FBXL17: variants seen among roughly 807,000 people sequenced by gnomAD.
FBXL17 encodes F-box and leucine rich repeat protein 17.
A neutral mutation model predicts 66.2 loss-of-function variants in FBXL17; 22 were observed. The observed-to-expected ratio is 0.33, with a 90% confidence interval of 0.24 to 0.47. The LOEUF (loss-of-function observed/expected upper bound fraction) is 0.47, where lower values mean the gene tolerates loss of function less well. Ranked by LOEUF, FBXL17 falls within the 20% of genes least tolerant of loss-of-function variation. FBXL17 has a pLI of 1.00. For synonymous variants in FBXL17, 474 were observed against 400.5 expected, an observed-to-expected ratio of 1.18 and a Z score of -2.19; for missense variants, 878 against 948.2, an observed-to-expected ratio of 0.93 and a Z score of 0.97.
At chr5:108,108,924 C>T (rs867630406) in intron 6 of FBXL17, among the ~76,000 whole-genome samples, 2 of 151,892 alleles carry the variant, frequency 1.3e-5, no homozygotes, top group Non-Finnish European at 2.9e-5. Context: ...GCTGGGATTA[C>T]AGGCATGCAC....
intron 8 of FBXL17, among the ~76,000 whole-genome samples, chr5:107,877,095 TA>T (rs1748637678): frequency 6.6e-6 from 1 of 152,194 alleles, no homozygotes; most frequent in South Asian, 2.1e-4. Context: ...TACAATGCAC[TA>T]AAGTTTAGGA....
At chr5:107,945,553 C>T (rs1026678507) in intron 7 of FBXL17, among the ~76,000 whole-genome samples, 1 of 152,030 alleles carries the variant, frequency 6.6e-6, no homozygotes, top group Admixed American at 6.6e-5. Flanking sequence ...ATTAGGACCA[C>T]ATATAACAAT....
intron 7 of FBXL17, among the ~76,000 whole-genome samples, chr5:108,005,708 T>C (rs1396371367): frequency 2.0e-5 from 3 of 152,226 alleles, no homozygotes; most frequent in Non-Finnish European, 2.9e-5. Context: ...TTGAGAGAAC[T>C]ATAAATACCT....
At chr5:108,050,606 G>A (rs1053460342) in intron 6 of FBXL17, among the ~76,000 whole-genome samples, 4 of 152,118 alleles carry the variant, frequency 2.6e-5, no homozygotes, top group Admixed American at 1.3e-4. Context: ...AAGCTAGAAA[G>A]ATCTCAAATA....
At position 108,223,250 on chromosome 5, in the gene FBXL17, C is replaced by T. The variant is rs1238175794; in HGVS notation, c.1614+871G>A. Among the ~76,000 whole-genome samples the T allele has an allele frequency of 2.6e-5, 4 of 152,056 alleles. No homozygotes were observed. In the East Asian group the frequency reaches 7.7e-4, roughly 29 times the overall value. On this transcript the variant is annotated intron_variant, in intron 5 of 8. Coordinates refer to ENST00000542267, the MANE Select transcript of FBXL17 (RefSeq NM_001163315.3). ...ATTATTTCCCATTAAACTGTAAGCT[C>T]AAAGAGATCTGAAGACATCAAACTG...
chr5:108,259,511 C>T (rs1403583321), intron 4 of FBXL17, among the ~76,000 whole-genome samples: 1 of 152,104 alleles, frequency 6.6e-6, no homozygotes, highest in African/African-American at 2.4e-5. Context: ...TCAGGTCTAA[C>T]ACACTTAACC....
At chr5:108,133,021 T>C (rs746887283) in intron 6 of FBXL17, among the ~76,000 whole-genome samples, 4 of 152,170 alleles carry the variant, frequency 2.6e-5, no homozygotes, top group Non-Finnish European at 5.9e-5. Flanking sequence ...TAAAGTGTGA[T>C]AAATACCCAC....
chr5:107,864,319 G>A (rs1030518767), intron 8 of FBXL17, among the ~76,000 whole-genome samples: 3 of 152,152 alleles, frequency 2.0e-5, no homozygotes, highest in Non-Finnish European at 4.4e-5. Flanking sequence ...AATAAACCTT[G>A]TTAACATTAG....
intron 5 of FBXL17, among the ~76,000 whole-genome samples, chr5:108,201,514 GT>G (rs566169241): frequency 1.3e-5 from 2 of 152,082 alleles, no homozygotes; most frequent in East Asian, 3.9e-4. Context: ...AACTATTAAT[GT>G]TTTTAATAAA....
At chr5:108,325,713 C>T (rs577808877) in intron 4 of FBXL17, among the ~76,000 whole-genome samples, 2 of 152,130 alleles carry the variant, frequency 1.3e-5, no homozygotes, top group East Asian at 1.9e-4. Context: ...ACCTAGAAGT[C>T]GTGGCATCTG....
intron 7 of FBXL17, among the ~76,000 whole-genome samples, chr5:107,973,063 G>A (rs1169415178): frequency 6.6e-6 from 1 of 152,122 alleles, no homozygotes; most frequent in Non-Finnish European, 1.5e-5. Context: ...AATGTTCAAA[G>A]GTGCCCTCAA....
intron 8 of FBXL17, among the ~76,000 whole-genome samples, chr5:107,871,638 G>A (rs957003640): frequency 2.6e-5 from 4 of 152,114 alleles, no homozygotes; most frequent in Non-Finnish European, 4.4e-5. Context: ...ATATGCACGT[G>A]TGGTGCAGAT....
intron 4 of FBXL17, among the ~76,000 whole-genome samples, chr5:108,279,561 A>G (rs1373005674): frequency 6.6e-6 from 1 of 152,120 alleles, no homozygotes; most frequent in Non-Finnish European, 1.5e-5. Flanking sequence ...AGGAAAAAAA[A>G]AAAAAGTAAT....
intron 4 of FBXL17, among the ~76,000 whole-genome samples, chr5:108,333,518 T>C (rs1760233234): frequency 6.6e-6 from 1 of 152,140 alleles, no homozygotes; most frequent in African/African-American, 2.4e-5. Flanking sequence ...TTTATGAACC[T>C]GAATAAAATG....
intron 7 of FBXL17, among the ~76,000 whole-genome samples, chr5:107,949,135 T>C (rs1751410931): frequency 6.8e-6 from 1 of 147,970 alleles, no homozygotes. Flanking sequence ...GAATGGCAAG[T>C]AGCTAAGAGC....
At chr5:108,101,269 C>T (rs1296978731) in intron 6 of FBXL17, among the ~76,000 whole-genome samples, 2 of 152,212 alleles carry the variant, frequency 1.3e-5, no homozygotes, top group Non-Finnish European at 2.9e-5. Flanking sequence ...AGACCTCTGT[C>T]CACAAGCCAA....
chr5:108,362,999 A>T (rs147538475), intron 3 of FBXL17, among the ~76,000 whole-genome samples: 1 of 152,168 alleles, frequency 6.6e-6, no homozygotes, highest in Non-Finnish European at 1.5e-5. Context: ...AGAAAAAATA[A>T]CAGTCCCAGG....
intron 5 of FBXL17, among the ~76,000 whole-genome samples, chr5:108,207,919 A>G (rs1429845366): frequency 6.7e-6 from 1 of 150,288 alleles, no homozygotes; most frequent in African/African-American, 2.4e-5. Flanking sequence ...ATAGTTGAAC[A>G]ACACTCCTAC....
At chr5:108,051,822 A>G (rs557844901) in intron 6 of FBXL17, among the ~76,000 whole-genome samples, 1 of 152,196 alleles carries the variant, frequency 6.6e-6, no homozygotes, top group South Asian at 2.1e-4. Flanking sequence ...TAAAAATACA[A>G]AAAATTGGCC....
Sources: allele counts gnomAD v4.1 joint callset (sites outside exome capture counted in the v4.1 genomes callset), GRCh38; gene constraint gnomAD v4.1.1; transcripts MANE v1.5; gene names NCBI Gene and HGNC (gene_info 2026-07-23, HGNC 2026-07-21).